The following DENND4A variants were observed in gnomAD, a reference collection of about 807,000 sequenced individuals.
DENND4A encodes the protein DENN domain containing 4A, also known as C-myc promoter-binding protein.
DENND4A carries 70 observed loss-of-function variants against 199.3 expected under a neutral mutation model. That is an observed-to-expected ratio of 0.35 (90% CI 0.29 to 0.43). The LOEUF is 0.43. Ranked by LOEUF, DENND4A falls within the 20% of genes least tolerant of loss-of-function variation. The pLI is 1.00. For synonymous variants in DENND4A, 686 were observed against 766.9 expected (o/e 0.89, Z 1.74); for missense variants, 1,723 against 2,255.8 (o/e 0.76, Z 4.78).
chr15:65,701,627 C>T (rs942707805), intron 18 of DENND4A, 135 bp downstream of exon 18: 1 of 813,290 alleles, frequency 1.2e-6, no homozygotes. Flanking sequence ...GAACTAAAGT[C>T]TTCCTTGATT....
intron 2 of DENND4A, among the ~76,000 whole-genome samples, chr15:65,757,261 A>ATT (rs1219606787): frequency 1.1e-4 from 6 of 55,414 alleles, no homozygotes; most frequent in Non-Finnish European, 1.9e-4. Flanking sequence ...TTCTTCTGAG[A>ATT]TGGGGGGGGG....
chr15:65,666,778 CAAAAAAAAA>C (rs36113125), intron 29 of DENND4A, among the ~76,000 whole-genome samples: 1 of 91,724 alleles, frequency 1.1e-5, no homozygotes, highest in Admixed American at 1.2e-4. Context: ...GACCTTGTGT[CAAAAAAAAA>C]AAAAAAAAAA....
intron 12 of DENND4A, among the ~76,000 whole-genome samples, chr15:65,720,976 T>TATATATATATATATATATATAC: frequency 7.8e-6 from 1 of 127,572 alleles, no homozygotes; most frequent in African/African-American, 2.9e-5. Context: ...TATATATATA[T>TATATATATATATATATATATAC]ATATATTTGT....
In DENND4A at chr15:65,690,415, C is replaced by G; in HGVS notation, c.4179G>C (p.Lys1393Asn). The change falls in exon 23 of 33, where the codon AAG becomes AAC. Residue 1393 changes from lysine to asparagine, a missense_variant and splice_region_variant. Lys to Asn is a moderately conservative substitution (Grantham distance 94). Around this residue, in one of 6 missense-constraint regions of DENND4A, gnomAD observed 650 missense variants for 738.1 expected, o/e 0.88. Transcript: ENST00000443035. ...AGTAGCAAATACTAACCAAACTTAC[C>G]TTAGATGATGTGGTGTACATGGTGA... Reference protein sequence around the residue: ...SRFTMYTTSSKDQSSDRTSLS... With the variant: ...SRFTMYTTSSNDQSSDRTSLS... 6.4e-7 allele frequency: 1 copy of G among 1,555,410 alleles called. No homozygotes were observed. The highest frequency in any genetic ancestry group is 8.7e-7 in the Non-Finnish European group (1 of 1,151,304).
intron 1 of DENND4A, among the ~76,000 whole-genome samples, chr15:65,788,277 G>A (rs1242368082): frequency 3.9e-5 from 6 of 151,964 alleles, no homozygotes; most frequent in African/African-American, 7.2e-5. Flanking sequence ...GGGTTTCACC[G>A]TGTTAGCCAG....
chr15:65,758,958 T>C (rs1270508380), intron 2 of DENND4A, among the ~76,000 whole-genome samples: 1 of 152,182 alleles, frequency 6.6e-6, no homozygotes, highest in African/African-American at 2.4e-5. Flanking sequence ...AAATGCTAGT[T>C]TACAGTAAAC....
chr15:65,659,685 C>A lies in DENND4A; in HGVS notation c.*2166G>T. ...TTAATTTTCTTTTGAACAGGTTTAC[C>A]ACTTTGTATTTGTGTTTTAGGTTTT... On this transcript the variant is annotated 3_prime_UTR_variant, in exon 33 of 33. Transcript: ENST00000443035. 6.6e-6 allele frequency: 1 copy of A among 152,396 alleles called. No homozygotes were observed. The highest frequency in any genetic ancestry group is 1.5e-5 in the Non-Finnish European group (1 of 68,196). The allele number at this position is 152,396 out of a possible 1,614,324, so 9.4% of individuals were successfully genotyped here.
intron 11 of DENND4A, among the ~76,000 whole-genome samples, chr15:65,724,032 T>C (rs1366182928): frequency 6.6e-6 from 1 of 152,084 alleles, no homozygotes; most frequent in Non-Finnish European, 1.5e-5. Flanking sequence ...GCATTTGGAC[T>C]TAAAGATAGC....
intron 23 of DENND4A, among the ~76,000 whole-genome samples, chr15:65,680,366 T>C (rs2076529629): frequency 6.6e-6 from 1 of 152,216 alleles, no homozygotes; most frequent in Non-Finnish European, 1.5e-5. Context: ...CTTTGATGGA[T>C]TTATTATATT....
chr15:65,683,460 C>T (rs6494532), intron 23 of DENND4A, among the ~76,000 whole-genome samples: 85,875 of 151,964 alleles, frequency 0.57, 26,951 homozygotes, highest in African/African-American at 0.84. Context: ...TTTCTTAAGG[C>T]AGAACCATAA....
At chr15:65,692,780 G>A (rs1438084166) in intron 22 of DENND4A, among the ~76,000 whole-genome samples, 1 of 152,036 alleles carries the variant, frequency 6.6e-6, no homozygotes, top group Admixed American at 6.6e-5. Flanking sequence ...AAGACCTGGA[G>A]GAATCTTGTA....
chr15:65,694,044 A>G (rs973643297), intron 22 of DENND4A, among the ~76,000 whole-genome samples: 1 of 152,192 alleles, frequency 6.6e-6, no homozygotes, highest in African/African-American at 2.4e-5. Flanking sequence ...GATAAAAAGT[A>G]AAGGCACACT....
chr15:65,693,961 G>A (rs755749080), intron 22 of DENND4A, among the ~76,000 whole-genome samples: 1 of 151,806 alleles, frequency 6.6e-6, no homozygotes, highest in Non-Finnish European at 1.5e-5. Flanking sequence ...GGCAGTAACT[G>A]CAGCCAACAA....
intron 11 of DENND4A, among the ~76,000 whole-genome samples, chr15:65,723,838 A>G (rs934542): frequency 0.81 from 122,694 of 152,150 alleles, 50,039 homozygotes; most frequent in East Asian, 0.94. Context: ...CTTTCAGACT[A>G]TAGTTGGCCA....
At chr15:65,782,017 T>C (rs894697037) in intron 1 of DENND4A, among the ~76,000 whole-genome samples, 3 of 152,186 alleles carry the variant, frequency 2.0e-5, no homozygotes, top group Non-Finnish European at 4.4e-5. Flanking sequence ...TACAGTGGGA[T>C]AAAGAGTAAA....
At chr15:65,676,735 G>C in intron 23 of DENND4A, 101 bp from the exon 24 acceptor site, 1 of 886,412 alleles carries the variant, frequency 1.1e-6, no homozygotes, top group Non-Finnish European at 1.7e-6. Context: ...TAACTACCCA[G>C]ATGATCAGCT....
At chr15:65,777,164 T>C (rs544977327) in intron 1 of DENND4A, among the ~76,000 whole-genome samples, 1 of 152,038 alleles carries the variant, frequency 6.6e-6, no homozygotes, top group African/African-American at 2.4e-5. Context: ...TAAGACGCTG[T>C]CTCAAAATAA....
Position 65,729,206 on chromosome 15 carries a change from G to A in DENND4A, c.1353C>T (p.Leu451=). Residue 451 remains leucine (L), a synonymous_variant, in exon 11 of 33, where the codon CTC becomes CTT. Transcript: ENST00000443035. ...AGACATCTGCTAAAGCCAGTGGGCAGAGAGGAACATACGGGCATGGCCAGT... is the reference window on the plus strand; with the variant it reads ...AGACATCTGCTAAAGCCAGTGGGCAAAGAGGAACATACGGGCATGGCCAGT... The part of the protein sequence containing the change: ...PFHWPCPYVP[L]CPLALADVLS... The A allele has an allele frequency of 6.3e-7, 1 of 1,587,394 alleles. No individual in the cohort carries two copies. The highest frequency in any genetic ancestry group is 8.6e-7 in the Non-Finnish European group (1 of 1,165,966).
At chr15:65,791,793 A>G (rs1181255365) in intron 1 of DENND4A, among the ~76,000 whole-genome samples, 4 of 152,034 alleles carry the variant, frequency 2.6e-5, no homozygotes, top group African/African-American at 9.7e-5. Context: ...TCCGACGCAG[A>G]GGCGCGGGTG....
Sources: allele counts gnomAD v4.1 joint callset (sites outside exome capture counted in the v4.1 genomes callset), GRCh38; gene constraint gnomAD v4.1.1; regional missense constraint gnomAD v4.1.1; transcripts MANE v1.5; gene names NCBI Gene and HGNC (gene_info 2026-07-23, HGNC 2026-07-21).